Variants in ATL3 observed in about 807,000 individuals in gnomAD.
ATL3 encodes atlastin-3.
In ATL3, 49 loss-of-function variants were observed where a neutral mutation model predicts 69.5. The observed-to-expected ratio is 0.71, with a 90% CI of 0.56 to 0.89. ATL3 has a LOEUF of 0.89. ATL3 is among the 40% of genes least tolerant of loss of function. The pLI is 0.00. For missense variants in ATL3, 606 were observed against 645.7 expected (o/e 0.94, Z 0.67); for synonymous variants, 214 against 224.1 (o/e 0.95, Z 0.40).
chr11:63,662,694 G>A (rs1299698608), intron 1 of ATL3, among the ~76,000 whole-genome samples: 3 of 152,108 alleles, frequency 2.0e-5, no homozygotes, highest in South Asian at 2.1e-4. Context: ...GCCCAGGCCC[G>A]TCTTGAACTC....
In ATL3 at chr11:63,625,444, G is replaced by C. The variant is rs1323334908; in HGVS notation, c.*3875C>G. ...AAAAATTAAAAACTGTTTTATTAAA[G>C]TTTTAATTTTTAAAAAATTAAAAAA... On this transcript the variant is annotated 3_prime_UTR_variant, in exon 13 of 13. Coordinates refer to ENST00000398868, the MANE Select transcript of ATL3 (RefSeq NM_015459.5). 6.6e-6 allele frequency: 1 copy of C among 152,054 alleles called. No individual in the cohort carries two copies. Among genetic ancestry groups the C allele is most frequent in the Admixed American group, 6.6e-5 (1 of 15,264 alleles). The allele number at this position is 152,054 out of a possible 1,614,324, so 9.4% of individuals were successfully genotyped here.
At chr11:63,671,544 A>G (rs77262689), upstream of ATL3, 1,997 of 1,422,728 alleles carry the variant, frequency 1.4e-3, 36 homozygotes, top group East Asian at 0.046. Context: ...TGGCGAGCGC[A>G]GGACGAGGCT....
Position 63,629,075 on chromosome 11 carries a change from G to GA in ATL3, c.*243dup. ...TAAAGTGCACAAAGCAGAGTAATAT[G>GA]AAAATAGACACAGGCTTGCATCTAT... On this transcript the variant is annotated 3_prime_UTR_variant, in exon 13 of 13. Coordinates refer to ENST00000398868, the MANE Select transcript of ATL3 (RefSeq NM_015459.5). 1 of 486,676 alleles carries GA rather than the reference G, an allele frequency of 2.1e-6. No individual in the cohort carries two copies. The highest frequency in any genetic ancestry group is 3.7e-6 in the Non-Finnish European group (1 of 272,052). 30.1% of individuals were successfully genotyped at this position (486,676 alleles called of 1,614,324 possible). A position where few individuals can be genotyped will look rare whatever the true frequency, so the allele number is the denominator to read the frequency against.
chr11:63,653,684 C>G (rs139780482), intron 3 of ATL3, among the ~76,000 whole-genome samples: 4 of 152,090 alleles, frequency 2.6e-5, no homozygotes, highest in Admixed American at 2.6e-4. Flanking sequence ...TATCAAGACA[C>G]GAAAGAGTTG....
At chr11:63,633,212 T>G (rs1939385516) in intron 10 of ATL3, 115 bp from the exon 11 acceptor site, 2 of 803,484 alleles carry the variant, frequency 2.5e-6, no homozygotes, top group African/African-American at 3.5e-5. Flanking sequence ...TAACCTTCTA[T>G]TTTTCTAGAT....
intron 5 of ATL3, among the ~76,000 whole-genome samples, chr11:63,648,433 C>T (rs2134500043): frequency 6.6e-6 from 1 of 152,344 alleles, no homozygotes; most frequent in Non-Finnish European, 1.5e-5. Context: ...AACCAGTACA[C>T]AAGGCCTATC....
At position 63,629,379 on chromosome 11, in the gene ATL3, A is replaced by C; in HGVS notation, c.1566T>G (p.Thr522=). The stretch of plus-strand genomic sequence containing the variant: ...CAACTGCATCCCTCACAGTGGCCTG[A>C]GTGGAATTACCGATATGAGAAGAAG... ...EQASSHIGNS[T]QATVRDAVVG... The change falls in exon 13 of 13, where the codon ACT becomes ACG. Residue 522 remains threonine (T), a synonymous_variant. Transcript: ENST00000398868. The C allele has an allele frequency of 6.2e-7, 1 of 1,614,176 alleles. No homozygotes were observed. The highest frequency in any genetic ancestry group is 8.5e-7 in the Non-Finnish European group (1 of 1,180,022).
chr11:63,669,259 G>T (rs956553625), intron 1 of ATL3, among the ~76,000 whole-genome samples: 1 of 152,122 alleles, frequency 6.6e-6, no homozygotes, highest in African/African-American at 2.4e-5. Flanking sequence ...ACTGGGCCAG[G>T]CGCCGTGGCT....
At chr11:63,671,381 G>A (rs753082641), upstream of ATL3, 1 of 1,552,030 alleles carries the variant, frequency 6.4e-7, no homozygotes, top group South Asian at 1.2e-5. Context: ...GCAGAGGAGA[G>A]GGACGGGTGC....
In ATL3 at chr11:63,628,834, C is replaced by CAAAAAAAAA. The variant is rs551769719; in HGVS notation, c.*476_*484dup. The CAAAAAAAAA allele has an allele frequency of 1.6e-5, 1 of 61,708 alleles. No individual in the cohort carries two copies. The highest frequency in any genetic ancestry group is 6.4e-5 in the African/African-American group (1 of 15,714). The allele number at this position is 61,708 out of a possible 1,614,324, so 3.8% of individuals were successfully genotyped here. On this transcript the variant is annotated 3_prime_UTR_variant, in exon 13 of 13. Coordinates refer to ENST00000398868, the MANE Select transcript of ATL3 (RefSeq NM_015459.5). ...CTGGTGACAGAGCGAGACTCCAACTCAAAAAAAAAAAAAAAAAAAAAAAGA... is the reference window on the plus strand; with the variant it reads ...CTGGTGACAGAGCGAGACTCCAACTCAAAAAAAAAAAAAAAAAAAAAAAAAAAAAAAAGA...
intron 5 of ATL3, among the ~76,000 whole-genome samples, chr11:63,647,828 G>A (rs1297848310): frequency 6.6e-6 from 1 of 152,196 alleles, no homozygotes; most frequent in Non-Finnish European, 1.5e-5. Flanking sequence ...AAACATTCTG[G>A]ATGGAAAATA....
chr11:63,631,116 C>T lies in ATL3; in HGVS notation c.1463G>A (p.Gly488Asp). The T allele has an allele frequency of 6.2e-7, 1 of 1,614,164 alleles. No individual in the cohort carries two copies. Among genetic ancestry groups the T allele is most frequent in the South Asian group, 1.1e-5 (1 of 91,082 alleles). ...ATATTGACCAGAATACCTGATGTAG[C>T]CCCAGGTGAGGAGTGCTATTAACAG... ...GLLLIALLTW[G>D]YIRYSGQYRE... Residue 488 changes from glycine (G) to aspartate (D), a missense_variant, in exon 12 of 13, where the codon GGC becomes GAC. By Grantham distance (94) the Gly-to-Asp change is moderately conservative. Transcript: ENST00000398868.
chr11:63,659,948 GCAGCACAC>G (rs1940371878), intron 1 of ATL3, among the ~76,000 whole-genome samples: 1 of 151,900 alleles, frequency 6.6e-6, no homozygotes, highest in Non-Finnish European at 1.5e-5. Flanking sequence ...GTTAATGGGT[GCAGCACAC>G]CAGCATGGAA....
intron 3 of ATL3, among the ~76,000 whole-genome samples, chr11:63,652,783 G>C (rs1460004630): frequency 6.6e-6 from 1 of 152,178 alleles, no homozygotes; most frequent in Non-Finnish European, 1.5e-5. Flanking sequence ...GTTATACAGA[G>C]CAATATGGAA....
chr11:63,669,958 T>C (rs528008367), intron 1 of ATL3, among the ~76,000 whole-genome samples: 4 of 149,680 alleles, frequency 2.7e-5, no homozygotes, highest in African/African-American at 4.9e-5. Context: ...CAAAAAAAAA[T>C]AGCCGCGCAT....
Position 63,643,339 on chromosome 11 carries a change from A to G in ATL3, c.850+18T>C, listed in dbSNP as rs1342664966. 1.9e-6 allele frequency: 3 copies of G among 1,567,456 alleles called. No homozygotes were observed. Among genetic ancestry groups the G allele is most frequent in the Non-Finnish European group, 1.7e-6 (2 of 1,159,334 alleles). ...CCAAAGATCGAATCACAGGTTTAAA[A>G]TAACACCTGGAACACACCTTTTAAT... On this transcript the variant is annotated intron_variant, in intron 8 of 12. Coordinates refer to ENST00000398868, the MANE Select transcript of ATL3 (RefSeq NM_015459.5).
chr11:63,653,733 A>C (rs554102537), intron 3 of ATL3, among the ~76,000 whole-genome samples: 3 of 152,236 alleles, frequency 2.0e-5, no homozygotes, highest in Non-Finnish European at 4.4e-5. Flanking sequence ...GAAAGAGGCC[A>C]ATCTGAAAAG....
intron 8 of ATL3, among the ~76,000 whole-genome samples, chr11:63,639,680 G>T (rs1024927012): frequency 2.6e-5 from 4 of 152,084 alleles, no homozygotes; most frequent in African/African-American, 9.7e-5. Flanking sequence ...GCTTGAGACT[G>T]GGAGTTAGAG....
chr11:63,661,804 G>A (rs1040650744), intron 1 of ATL3, among the ~76,000 whole-genome samples: 4 of 149,894 alleles, frequency 2.7e-5, no homozygotes, highest in South Asian at 2.1e-4. Context: ...CAGGAGAATC[G>A]CTTGAACCCA....
Sources: allele counts gnomAD v4.1 joint callset (sites outside exome capture counted in the v4.1 genomes callset), GRCh38; gene constraint gnomAD v4.1.1; transcripts MANE v1.5; gene names NCBI Gene and HGNC (gene_info 2026-07-23, HGNC 2026-07-21).